Variants in SCHIP1 observed in about 807,000 individuals in gnomAD.
SCHIP1 encodes the protein schwannomin interacting protein 1, also known as schwannomin-interacting protein 1.
In SCHIP1, 8 loss-of-function variants were observed where a neutral mutation model predicts 29.7. The observed-to-expected ratio is 0.27, with a 90% CI of 0.16 to 0.49. SCHIP1 has a LOEUF of 0.49. SCHIP1 is among the 20% of genes least tolerant of loss of function. The pLI is 0.99. For missense variants in SCHIP1, 193 were observed against 294.6 expected, an observed-to-expected ratio of 0.66 and a Z score of 2.52; for synonymous variants, 76 against 94.9, an observed-to-expected ratio of 0.80 and a Z score of 1.16.
the SCHIP1 span, among the ~76,000 whole-genome samples, chr3:159,652,371 A>G: frequency 6.6e-6 from 1 of 152,176 alleles, no homozygotes; most frequent in Non-Finnish European, 1.5e-5. Flanking sequence ...TAAGAAGTAC[A>G]TAAAGTAGAA....
chr3:159,668,542 G>A, the SCHIP1 span, among the ~76,000 whole-genome samples: 1 of 152,018 alleles, frequency 6.6e-6, no homozygotes, highest in Non-Finnish European at 1.5e-5. Context: ...CCAGGTGGAT[G>A]GCGTGTCTCA....
the SCHIP1 span, among the ~76,000 whole-genome samples, chr3:159,594,374 G>C: frequency 6.6e-6 from 1 of 152,158 alleles, no homozygotes; most frequent in Non-Finnish European, 1.5e-5. Context: ...GACACTGAGT[G>C]ACAATAAGAC....
intron 1 of SCHIP1, among the ~76,000 whole-genome samples, chr3:159,850,951 G>T (rs1375664085): frequency 6.6e-6 from 1 of 152,150 alleles, no homozygotes; most frequent in African/African-American, 2.4e-5. Flanking sequence ...AGCTCTACTA[G>T]ATTTGTCTGT....
chr3:159,740,347 T>TC, the SCHIP1 span, among the ~76,000 whole-genome samples: 1 of 152,262 alleles, frequency 6.6e-6, no homozygotes, highest in Admixed American at 6.5e-5. Flanking sequence ...GATGAGGTCT[T>TC]CCCCAAAAGG....
At chr3:159,546,236 C>T in the SCHIP1 span, among the ~76,000 whole-genome samples, 1 of 152,030 alleles carries the variant, frequency 6.6e-6, no homozygotes, top group Non-Finnish European at 1.5e-5. Flanking sequence ...ATTCTACCTC[C>T]AGCAAAATAT....
the SCHIP1 span, among the ~76,000 whole-genome samples, chr3:159,676,043 A>G: frequency 6.6e-6 from 1 of 152,178 alleles, no homozygotes; most frequent in South Asian, 2.1e-4. Context: ...AAGCAGGAGA[A>G]TTGCTTGAAC....
the SCHIP1 span, among the ~76,000 whole-genome samples, chr3:159,508,258 A>G: frequency 6.6e-4 from 100 of 152,084 alleles, no homozygotes; most frequent in African/African-American, 1.9e-3. Context: ...TTGCGTAGAG[A>G]TGTTTATAGT....
chr3:159,322,215 G>T, the SCHIP1 span, among the ~76,000 whole-genome samples: 1 of 152,200 alleles, frequency 6.6e-6, no homozygotes, highest in East Asian at 1.9e-4. Flanking sequence ...AGCATCCACC[G>T]TGTGGAAGAC....
chr3:159,873,765 C>T (rs780579808), intron 2 of SCHIP1, among the ~76,000 whole-genome samples: 4 of 151,936 alleles, frequency 2.6e-5, no homozygotes, highest in East Asian at 1.9e-4. Context: ...AAAGTGTTTC[C>T]GTAAAAAGTT....
At chr3:159,550,220 C>A in the SCHIP1 span, among the ~76,000 whole-genome samples, 1 of 144,416 alleles carries the variant, frequency 6.9e-6, no homozygotes, top group Non-Finnish European at 1.5e-5. Flanking sequence ...TGTTAGCCTT[C>A]TTTTTAACAT....
the SCHIP1 span, among the ~76,000 whole-genome samples, chr3:159,828,455 A>ATATATACG: frequency 1.2e-4 from 16 of 131,376 alleles, 2 homozygotes; most frequent in Admixed American, 6.0e-4. Context: ...ATATATACGT[A>ATATATACG]TATATATGTA....
chr3:159,800,494 C>T, the SCHIP1 span, among the ~76,000 whole-genome samples: 54 of 152,214 alleles, frequency 3.5e-4, no homozygotes, highest in Non-Finnish European at 6.5e-4. Context: ...TTATGGTACA[C>T]AGATGGTATC....
chr3:159,793,651 G>A, the SCHIP1 span, among the ~76,000 whole-genome samples: 31 of 152,152 alleles, frequency 2.0e-4, no homozygotes, highest in South Asian at 6.0e-3. Flanking sequence ...TCTGCCTCCC[G>A]GGTTCAAGTG....
At chr3:159,645,752 A>G in the SCHIP1 span, among the ~76,000 whole-genome samples, 8 of 152,092 alleles carry the variant, frequency 5.3e-5, no homozygotes, top group African/African-American at 1.9e-4. Flanking sequence ...CACTGAGCAA[A>G]AAGAAATAGG....
the SCHIP1 span, among the ~76,000 whole-genome samples, chr3:159,305,859 C>A: frequency 5.3e-5 from 8 of 152,140 alleles, no homozygotes; most frequent in Non-Finnish European, 1.2e-4. Flanking sequence ...GGTCTAATGG[C>A]AAAACCATGA....
chr3:159,820,195 T>C, the SCHIP1 span, among the ~76,000 whole-genome samples: 6 of 152,114 alleles, frequency 3.9e-5, no homozygotes, highest in African/African-American at 1.2e-4. Flanking sequence ...AAAAGACTTC[T>C]ATGGCCCCAA....
At chr3:159,556,778 G>A in the SCHIP1 span, among the ~76,000 whole-genome samples, 1 of 97,516 alleles carries the variant, frequency 1.0e-5, no homozygotes, top group Non-Finnish European at 1.9e-5. Context: ...TGGGGTGGGG[G>A]GAGGGGGGAG....
At chr3:159,574,272 T>C in the SCHIP1 span, among the ~76,000 whole-genome samples, 1 of 152,230 alleles carries the variant, frequency 6.6e-6, no homozygotes, top group Admixed American at 6.5e-5. Flanking sequence ...GTCTTTGATG[T>C]TGGTGACCCA....
chr3:159,324,126 C>G, the SCHIP1 span, among the ~76,000 whole-genome samples: 1 of 152,030 alleles, frequency 6.6e-6, no homozygotes, highest in South Asian at 2.1e-4. Context: ...GTTACTGCAG[C>G]CTGTGAGTCA....
Sources: gnomAD v4.1 joint callset for allele counts (sites outside exome capture counted in the v4.1 genomes callset) on GRCh38, gnomAD v4.1.1 for gene constraint, MANE v1.5 for transcripts, NCBI Gene and HGNC (gene_info 2026-07-23, HGNC 2026-07-21) for gene names.